The following CCL24 variants were observed in gnomAD, a reference collection of about 807,000 sequenced individuals.
The protein encoded by CCL24 is C-C motif chemokine 24.
Under a neutral mutation model 8.6 loss-of-function variants are expected in CCL24, and 6 were observed. The ratio of observed to expected loss-of-function variants is 0.70; its 90% CI spans 0.38 to 1.38. The LOEUF (loss-of-function observed/expected upper bound fraction) is 1.38. CCL24 is among the 40% of genes most tolerant of loss of function. The pLI is 0.02. For synonymous variants in CCL24, 59 were observed against 52.7 expected, an observed-to-expected ratio of 1.12 and a Z score of -0.52; for missense variants, 126 against 147.1, an observed-to-expected ratio of 0.86 and a Z score of 0.74.
At chr7:75,818,083 G>A (rs557624700), upstream of CCL24, among the ~76,000 whole-genome samples, 16 of 152,022 alleles carry the variant, frequency 1.1e-4, no homozygotes, top group South Asian at 2.9e-3. Context: ...CGCCCACCTC[G>A]GCCTCCCAAA....
In CCL24 at chr7:75,821,118, G is replaced by A. The variant is rs908942815; in HGVS notation, c.-60+2204C>T. On this transcript the variant is annotated intron_variant, in intron 1 of 3. Coordinates refer to the CCL24 transcript ENST00000416943. ...AGTGTCCAGATGGAGGAGGTCTACC[G>A]AGGCCACAGTGGAGAGCAGAAGTCA... 5.5e-4 allele frequency among the ~76,000 whole-genome samples: 84 copies of A among 152,286 alleles called. 2 individuals are homozygous for A. The highest frequency in any genetic ancestry group is 1.6e-4 in the Non-Finnish European group (11 of 68,038).
chr7:75,821,956 G>T (rs1804060444), intron 1 of CCL24, among the ~76,000 whole-genome samples: 1 of 150,918 alleles, frequency 6.6e-6, no homozygotes, highest in Admixed American at 6.6e-5. Context: ...AACAAAATTA[G>T]CCAGGTGTGG....
upstream of CCL24, among the ~76,000 whole-genome samples, chr7:75,815,922 T>G (rs369591170): frequency 7.9e-5 from 12 of 152,304 alleles, 1 homozygote; most frequent in South Asian, 1.9e-3. Context: ...AGATTTGTGC[T>G]GTCTCCAACA....
intron 1 of CCL24, among the ~76,000 whole-genome samples, chr7:75,821,900 C>G (rs1416778006): frequency 6.7e-6 from 1 of 149,580 alleles, no homozygotes; most frequent in African/African-American, 2.5e-5. Flanking sequence ...TGCACTCCAG[C>G]CTGGGCGACA....
At chr7:75,813,597 C>T (rs1204742062) in intron 1 of CCL24, 46 bp downstream of exon 1, 17 of 1,532,318 alleles carry the variant, frequency 1.1e-5, no homozygotes, top group Non-Finnish European at 1.5e-5. Context: ...CCCCACTGTG[C>T]CATCCCAGCC....
chr7:75,822,001 C>T (rs1262315731), intron 1 of CCL24, among the ~76,000 whole-genome samples: 1 of 151,746 alleles, frequency 6.6e-6, no homozygotes, highest in Non-Finnish European at 1.5e-5. Context: ...ACTCCGGAGG[C>T]TGAGGCAGGA....
At chr7:75,820,795 C>T (rs935229020) in intron 1 of CCL24, among the ~76,000 whole-genome samples, 1 of 150,742 alleles carries the variant, frequency 6.6e-6, no homozygotes. Flanking sequence ...ATCTACTCAT[C>T]TATCCATCCA....
At position 75,810,938 on chromosome 7, in the gene CCL24, G is replaced by A. The variant is rs1554533329; in HGVS notation, c.*858C>T. 6.6e-6 allele frequency among the ~76,000 whole-genome samples: 1 copy of A among 151,804 alleles called. No homozygotes were observed. Among genetic ancestry groups the A allele is most frequent in the Non-Finnish European group, 1.5e-5 (1 of 67,972 alleles). ...TCATGCATAGAAAAAAAAAGCTAGA[G>A]TCTTTTCTCCCCCTAATCCCCCCAC... On this transcript the variant is annotated 3_prime_UTR_variant, in exon 3 of 3. Coordinates refer to ENST00000222902, the MANE Select transcript of CCL24 (RefSeq NM_002991.3).
chr7:75,817,510 T>A (rs114241412), upstream of CCL24, among the ~76,000 whole-genome samples: 2,527 of 151,508 alleles, frequency 0.017, 73 homozygotes, highest in African/African-American at 0.059. Context: ...TATCCAATTT[T>A]TTTTTTTTTT....
rs1305529802 is a variant in CCL24, at chr7:75,813,404, A to AGAG, written c.90_92dup (p.Ser31dup). 1.9e-6 allele frequency: 3 copies of AGAG among 1,612,176 alleles called. No homozygotes were observed. The highest frequency in any genetic ancestry group is 2.5e-6 in the Non-Finnish European group (3 of 1,178,622). ...TGGAAACAAAGAACATGCAGCAGGG[A>AGAG]GAGGGGATGACCACAGAGCCTAGAA... On this transcript the variant is annotated inframe_insertion, in exon 2 of 3. Transcript: ENST00000222902.
intron 1 of CCL24, among the ~76,000 whole-genome samples, chr7:75,819,450 C>G (rs1554534703): frequency 1.4e-5 from 2 of 147,646 alleles, no homozygotes; most frequent in African/African-American, 5.0e-5. Context: ...CATAGTGAAA[C>G]CTCAACTCTA....
chr7:75,819,859 T>C (rs189337439), intron 1 of CCL24, among the ~76,000 whole-genome samples: 8 of 151,938 alleles, frequency 5.3e-5, no homozygotes, highest in African/African-American at 1.9e-4. Flanking sequence ...TGCTAAAAAC[T>C]GGCTGTATGA....
At chr7:75,822,556 G>T (rs1169949547) in intron 1 of CCL24, among the ~76,000 whole-genome samples, 1 of 152,174 alleles carries the variant, frequency 6.6e-6, no homozygotes, top group Non-Finnish European at 1.5e-5. Context: ...GGTTCAGGCT[G>T]GGCATGGTGA....
At chr7:75,819,819 T>C (rs1803986369) in intron 1 of CCL24, among the ~76,000 whole-genome samples, 2 of 151,974 alleles carry the variant, frequency 1.3e-5, no homozygotes, top group Admixed American at 6.6e-5. Flanking sequence ...TGGGCAGCTA[T>C]GGTGTAGTGA....
At chr7:75,812,013 G>A in intron 2 of CCL24, 49 bp from the exon 3 acceptor site, 1 of 1,540,486 alleles carries the variant, frequency 6.5e-7, no homozygotes, top group Non-Finnish European at 8.8e-7. Context: ...AGGGACCTTG[G>A]GCCACTCCAC....
intron 1 of CCL24, 97 bp downstream of exon 1, chr7:75,813,546 C>G (rs900792102): frequency 2.3e-6 from 3 of 1,300,318 alleles, no homozygotes; most frequent in Non-Finnish European, 3.3e-6. Context: ...CACCCTTTCC[C>G]CAGCGCTTCC....
intron 1 of CCL24, among the ~76,000 whole-genome samples, chr7:75,818,910 C>A (rs908507750): frequency 7.9e-5 from 12 of 151,784 alleles, no homozygotes; most frequent in African/African-American, 2.4e-5. Context: ...GTTATGGTCA[C>A]CCTCTTTAAT....
At chr7:75,820,020 T>TTCC (rs1458435035) in intron 1 of CCL24, among the ~76,000 whole-genome samples, 2,958 of 41,792 alleles carry the variant, frequency 0.071, 85 homozygotes, top group South Asian at 0.091. Context: ...AGTAAACTAC[T>TTCC]TCTTCTTCTT....
upstream of CCL24, among the ~76,000 whole-genome samples, chr7:75,817,002 C>G (rs1803907572): frequency 6.6e-6 from 1 of 151,870 alleles, no homozygotes; most frequent in Non-Finnish European, 1.5e-5. Flanking sequence ...GTAGCTGGGA[C>G]TACAGGTGCA....
Sources: allele counts gnomAD v4.1 joint callset (sites outside exome capture counted in the v4.1 genomes callset), GRCh38; gene constraint gnomAD v4.1.1; transcripts MANE v1.5; gene names NCBI Gene and HGNC (gene_info 2026-07-23, HGNC 2026-07-21).